DLGAP2: variants seen among roughly 807,000 people sequenced by gnomAD.
DLGAP2 encodes DLG associated protein 2.
A neutral mutation model predicts 100.3 loss-of-function variants in DLGAP2; 26 were observed. The observed-to-expected ratio is 0.26, with a 90% CI of 0.19 to 0.36. The LOEUF (loss-of-function observed/expected upper bound fraction) is 0.36. Ranked by LOEUF, DLGAP2 falls within the 10% of genes least tolerant of loss-of-function variation. The pLI is 1.00. For synonymous variants in DLGAP2, 886 were observed against 630.1 expected (o/e 1.41, Z -6.08); for missense variants, 1,858 against 1,453.2 (o/e 1.28, Z -4.53).
chr8:1,256,536 CCCAGGCGCTGTGTGTGTG>C (rs1799223540), intron 2 of DLGAP2, among the ~76,000 whole-genome samples: 1 of 145,220 alleles, frequency 6.9e-6, no homozygotes, highest in African/African-American at 2.6e-5. Flanking sequence ...TCTCATCCTG[CCCAGGCGCTGTGTGTGTG>C]TCCTTTCCTG....
intron 3 of DLGAP2, among the ~76,000 whole-genome samples, chr8:1,318,270 C>G (rs1348168030): frequency 6.6e-6 from 1 of 152,172 alleles, no homozygotes; most frequent in East Asian, 1.9e-4. Flanking sequence ...ATCGTGGCAA[C>G]AACATGAAAT....
At chr8:1,471,980 A>G (rs1305838243) in intron 3 of DLGAP2, among the ~76,000 whole-genome samples, 1 of 152,250 alleles carries the variant, frequency 6.6e-6, no homozygotes, top group East Asian at 1.9e-4. Context: ...TCATTAAATA[A>G]ACTTGTATTT....
At chr8:1,669,034 G>A (rs1347576942) in intron 9 of DLGAP2, among the ~76,000 whole-genome samples, 4 of 152,202 alleles carry the variant, frequency 2.6e-5, no homozygotes, top group Non-Finnish European at 5.9e-5. Context: ...TAAAGGGGAG[G>A]GTTTCTGTTG....
chr8:1,639,960 A>G (rs1031899110), intron 8 of DLGAP2, among the ~76,000 whole-genome samples: 1 of 152,218 alleles, frequency 6.6e-6, no homozygotes, highest in Admixed American at 6.5e-5. Context: ...CACATCTGCA[A>G]AGTCCCTTTT....
chr8:1,348,450 C>T (rs1314618190), intron 3 of DLGAP2, among the ~76,000 whole-genome samples: 2 of 149,480 alleles, frequency 1.3e-5, no homozygotes, highest in Non-Finnish European at 1.5e-5. Context: ...TACAGAGTTA[C>T]ATTGCTCTCA....
In DLGAP2 at chr8:1,701,706, G is replaced by A. The variant is rs1157483701; in HGVS notation, c.*300G>A. 1.7e-5 allele frequency: 7 copies of A among 419,962 alleles called. No individual in the cohort carries two copies. Among genetic ancestry groups the A allele is most frequent in the Admixed American group, 4.1e-5 (1 of 24,374 alleles). 26.0% of individuals were successfully genotyped at this position (419,962 alleles called of 1,614,324 possible). ...CTCCTGCGTGTTCTCAGAGGACGGC[G>A]AGAAATGCCTCTGGAGCTGGAACCC... On this transcript the variant is annotated 3_prime_UTR_variant, in exon 15 of 15. Transcript: ENST00000637795.
At chr8:1,386,767 G>A (rs1796229314) in intron 3 of DLGAP2, among the ~76,000 whole-genome samples, 1 of 152,128 alleles carries the variant, frequency 6.6e-6, no homozygotes, top group Non-Finnish European at 1.5e-5. Flanking sequence ...AGCATAGAAT[G>A]CGGCAAGAAG....
At chr8:1,094,704 C>G (rs764196786) in intron 2 of DLGAP2, among the ~76,000 whole-genome samples, 12 of 152,362 alleles carry the variant, frequency 7.9e-5, no homozygotes, top group Non-Finnish European at 1.3e-4. Flanking sequence ...GCAGCGGGCA[C>G]AAGAGTGGCT....
intron 3 of DLGAP2, among the ~76,000 whole-genome samples, chr8:1,280,687 G>A (rs1419386547): frequency 6.6e-6 from 1 of 152,228 alleles, no homozygotes; most frequent in Non-Finnish European, 1.5e-5. Context: ...GGGCATGGAG[G>A]GGAGGTAGGA....
At chr8:1,530,617 T>G (rs1205728495) in intron 4 of DLGAP2, among the ~76,000 whole-genome samples, 13 of 152,226 alleles carry the variant, frequency 8.5e-5, no homozygotes, top group Non-Finnish European at 1.5e-5. Context: ...TAAGTGTCCA[T>G]GAAATCTTTA....
chr8:1,668,454 C>G lies in DLGAP2; in HGVS notation c.1936C>G (p.Arg646Gly). 6.3e-7 allele frequency: 1 copy of G among 1,596,674 alleles called. No individual in the cohort carries two copies. Residue 646 changes from arginine to glycine, a missense_variant, in exon 9 of 15, where the codon CGC becomes GGC. Physicochemically the swap from Arg to Gly is moderately radical, Grantham distance 125. Transcript: ENST00000637795. Reference protein sequence around the residue: ...ESTQDAYQDSRAQRMSPWPQD... With the variant: ...ESTQDAYQDSGAQRMSPWPQD... Reference sequence around the variant, plus strand: ...CACCCAGGACGCCTACCAGGACAGCCGCGCACAGAGGATGTCCCCGTGGCC... The same window carrying G: ...CACCCAGGACGCCTACCAGGACAGCGGCGCACAGAGGATGTCCCCGTGGCC...
intron 2 of DLGAP2, among the ~76,000 whole-genome samples, chr8:1,062,712 G>T (rs548670254): frequency 6.6e-6 from 1 of 152,098 alleles, no homozygotes; most frequent in African/African-American, 2.4e-5. Context: ...CTTGATAGTC[G>T]TTGTGATAGC....
chr8:943,479 C>T (rs1029967191), intron 2 of DLGAP2, among the ~76,000 whole-genome samples: 36 of 152,286 alleles, frequency 2.4e-4, no homozygotes, highest in Non-Finnish European at 4.0e-4. Context: ...GACGTCATGA[C>T]GCGGCCATCC....
chr8:1,301,342 C>A (rs1468913818), intron 3 of DLGAP2: 1 of 152,302 alleles, frequency 6.6e-6, no homozygotes, highest in Non-Finnish European at 1.5e-5. Flanking sequence ...CATGCTCGAG[C>A]TCCGGGGCCT....
chr8:1,575,148 C>T (rs1003792545), intron 6 of DLGAP2, among the ~76,000 whole-genome samples: 3 of 152,144 alleles, frequency 2.0e-5, no homozygotes, highest in Non-Finnish European at 2.9e-5. Context: ...TATTCCACAC[C>T]GTATCTGCTG....
At chr8:1,610,422 C>T (rs1426421146) in intron 6 of DLGAP2, among the ~76,000 whole-genome samples, 2 of 150,032 alleles carry the variant, frequency 1.3e-5, no homozygotes, top group East Asian at 2.0e-4. Flanking sequence ...ACTGAATGCC[C>T]ACAAGAGAAA....
At chr8:1,146,561 GTGCACATGTGTGTGTA>G (rs1032791820) in intron 2 of DLGAP2, among the ~76,000 whole-genome samples, 10 of 150,210 alleles carry the variant, frequency 6.7e-5, no homozygotes, top group East Asian at 4.2e-4. Context: ...AACTGTGTGT[GTGCACATGTGTGTGTA>G]TGCACATGTG....
intron 4 of DLGAP2, among the ~76,000 whole-genome samples, chr8:1,513,632 C>T (rs544050397): frequency 6.6e-6 from 1 of 152,308 alleles, no homozygotes; most frequent in South Asian, 2.1e-4. Context: ...CTTGCTAAGC[C>T]CTCCTGGTCG....
intron 1 of DLGAP2, among the ~76,000 whole-genome samples, chr8:811,768 G>C (rs113541261): frequency 2.7e-5 from 4 of 150,808 alleles, no homozygotes; most frequent in African/African-American, 7.3e-5. Context: ...GGCTCCTGCC[G>C]TGGTGAGAGG....
Sources: gnomAD v4.1 joint callset for allele counts (sites outside exome capture counted in the v4.1 genomes callset) on GRCh38, gnomAD v4.1.1 for gene constraint, MANE v1.5 for transcripts, NCBI Gene and HGNC (gene_info 2026-07-23, HGNC 2026-07-21) for gene names.